The following SIK3 variants were observed in gnomAD, a reference collection of about 807,000 sequenced individuals.
SIK3 encodes the protein serine/threonine-protein kinase SIK3.
Under a neutral mutation model 144.2 loss-of-function variants are expected in SIK3, and 28 were observed. That is an observed-to-expected ratio of 0.19 (90% CI 0.14 to 0.27). The LOEUF (loss-of-function observed/expected upper bound fraction) is 0.27. Ranked by LOEUF, SIK3 falls within the 10% of genes least tolerant of loss-of-function variation. The pLI is 1.00. For missense variants in SIK3, 1,319 were observed against 1,776.0 expected (o/e 0.74, Z 4.62); for synonymous variants, 686 against 676.3 (o/e 1.01, Z -0.22).
intron 4 of SIK3, among the ~76,000 whole-genome samples, chr11:116,918,396 C>T (rs1008191846): frequency 4.0e-5 from 6 of 151,852 alleles, no homozygotes; most frequent in South Asian, 2.1e-4. Context: ...TCCACCCCCA[C>T]CCCCACAAGA....
chr11:116,884,216 A>G (rs1410745719), intron 6 of SIK3, among the ~76,000 whole-genome samples: 1 of 152,060 alleles, frequency 6.6e-6, no homozygotes, highest in Non-Finnish European at 1.5e-5. Flanking sequence ...TTTATTTTGA[A>G]ATGGAGTCTC....
chr11:116,940,802 GGATA>G (rs1002985729), intron 3 of SIK3, among the ~76,000 whole-genome samples: 19 of 144,874 alleles, frequency 1.3e-4, no homozygotes, highest in Admixed American at 4.8e-4. Context: ...AAAAAAAAAA[GGATA>G]AATAAATAAA....
Position 116,849,317 on chromosome 11 carries a change from C to A in SIK3, c.3656-34G>T. On this transcript the variant is annotated intron_variant, in intron 21 of 24. Transcript: ENST00000445177. This position sits in a 1 kb window ranked among gnomAD's most constrained non-coding sequence, Gnocchi z 4.2. Reference sequence around the variant, plus strand: ...ACACAGCAGAATAGAGTCAGTGGGGCGGAACTTCTCCCAGCACTGGAAACT... The same window carrying A: ...ACACAGCAGAATAGAGTCAGTGGGGAGGAACTTCTCCCAGCACTGGAAACT... 6.2e-7 allele frequency: 1 copy of A among 1,612,204 alleles called. No individual in the cohort carries two copies. Among genetic ancestry groups the A allele is most frequent in the Non-Finnish European group, 8.5e-7 (1 of 1,178,920 alleles).
intron 1 of SIK3, among the ~76,000 whole-genome samples, chr11:116,998,202 G>C (rs760705786): frequency 4.0e-5 from 6 of 150,460 alleles, no homozygotes; most frequent in Admixed American, 1.3e-4. Context: ...TGCAAGGAAA[G>C]AAAAGTAAGT....
chr11:116,880,907 T>C (rs1438286805), intron 6 of SIK3, among the ~76,000 whole-genome samples: 1 of 152,118 alleles, frequency 6.6e-6, no homozygotes, highest in Admixed American at 6.5e-5. Context: ...GCAGATTGCT[T>C]GAGGCTAGGA....
At chr11:116,935,721 T>G (rs565174730) in intron 3 of SIK3, among the ~76,000 whole-genome samples, 101 of 152,314 alleles carry the variant, frequency 6.6e-4, no homozygotes, top group African/African-American at 2.4e-3. Flanking sequence ...ACCTGCATGC[T>G]CCAAGTCAAC....
intron 1 of SIK3, among the ~76,000 whole-genome samples, chr11:117,078,744 C>G (rs2136040213): frequency 6.6e-6 from 1 of 152,224 alleles, no homozygotes; most frequent in East Asian, 1.9e-4. Flanking sequence ...TTAAAATTGT[C>G]ATATTTTTAA....
chr11:116,887,131 G>T (rs1442822028), intron 6 of SIK3, among the ~76,000 whole-genome samples: 1 of 151,846 alleles, frequency 6.6e-6, no homozygotes, highest in Non-Finnish European at 1.5e-5. Flanking sequence ...ATGGCTGGGC[G>T]TGATGGCTCA....
chr11:117,017,322 A>G (rs1951581393), intron 1 of SIK3, among the ~76,000 whole-genome samples: 1 of 152,240 alleles, frequency 6.6e-6, no homozygotes, highest in Admixed American at 6.5e-5. Context: ...TTGATTGGAC[A>G]CAGCACACAA....
intron 1 of SIK3, among the ~76,000 whole-genome samples, chr11:117,088,196 CA>C (rs1955099005): frequency 6.6e-6 from 1 of 152,176 alleles, no homozygotes; most frequent in African/African-American, 2.4e-5. Context: ...ATGATCACAT[CA>C]CTGCACTCCA....
intron 14 of SIK3, chr11:116,869,998 C>A: frequency 1.3e-6 from 1 of 789,976 alleles, no homozygotes; most frequent in Non-Finnish European, 1.8e-6. Flanking sequence ...GTAAACAGTT[C>A]TTGGCAGGTA....
chr11:116,961,851 A>C (rs971699391), intron 1 of SIK3, among the ~76,000 whole-genome samples: 3 of 152,210 alleles, frequency 2.0e-5, no homozygotes, highest in African/African-American at 7.2e-5. Context: ...ATTCCCATTC[A>C]ACAAATTCTT....
In SIK3 at chr11:116,977,267, G is replaced by T. The variant is rs77337677; in HGVS notation, c.274-20203C>A. Among the ~76,000 whole-genome samples, 736 of 116,158 alleles carry T rather than the reference G, an allele frequency of 6.3e-3. 7 individuals carry two copies. Among genetic ancestry groups the T allele is most frequent in the African/African-American group, 0.023 (688 of 30,404 alleles). 76.2% of individuals were successfully genotyped at this position (116,158 alleles called of 152,430 possible). A position where few individuals can be genotyped will look rare whatever the true frequency, so the allele number is the denominator to read the frequency against. On this transcript the variant is annotated intron_variant, in intron 1 of 24. Transcript: ENST00000445177. ...CCCTCCCTTCCTTCCTTTTCATACA[G>T]ACAGAGTCTCGTTATGTTGCCTGGA...
intron 1 of SIK3, among the ~76,000 whole-genome samples, chr11:117,064,902 C>A (rs781640194): frequency 6.6e-6 from 1 of 152,144 alleles, no homozygotes; most frequent in Non-Finnish European, 1.5e-5. Context: ...GTAATCCCAG[C>A]ACTTTGGGAA....
At chr11:116,973,599 A>G (rs1949840441) in intron 1 of SIK3, among the ~76,000 whole-genome samples, 1 of 152,184 alleles carries the variant, frequency 6.6e-6, no homozygotes, top group Admixed American at 6.5e-5. Flanking sequence ...GTACATTATG[A>G]AAGGGGGGGA....
At chr11:116,980,662 G>C (rs1361696225) in intron 1 of SIK3, among the ~76,000 whole-genome samples, 1 of 152,138 alleles carries the variant, frequency 6.6e-6, no homozygotes, top group Non-Finnish European at 1.5e-5. Context: ...AGACCAGCCT[G>C]GGCAACATGG....
chr11:117,044,939 T>C (rs1489067708), intron 1 of SIK3, among the ~76,000 whole-genome samples: 1 of 152,158 alleles, frequency 6.6e-6, no homozygotes, highest in Non-Finnish European at 1.5e-5. Flanking sequence ...TAATAAATAA[T>C]TGGTAATAAC....
At chr11:117,005,703 A>G (rs1951021327) in intron 1 of SIK3, among the ~76,000 whole-genome samples, 1 of 152,194 alleles carries the variant, frequency 6.6e-6, no homozygotes, top group African/African-American at 2.4e-5. Flanking sequence ...TACTTCTATT[A>G]CTATCTTTTG....
In SIK3 at chr11:116,876,313, C is replaced by G. The variant is rs573107225; in HGVS notation, c.1035G>C (p.Leu345=). 3 of 1,614,256 alleles carry G rather than the reference C, an allele frequency of 1.9e-6. No homozygotes were observed. The South Asian group carries it at 3.3e-5, about 18-fold the overall frequency. Reference sequence around the variant, plus strand: ...CCATGGCCAAGAGGACATCCTCATTCAGGGGGTCCACCTGTCTTTCTTCCT... The same window carrying G: ...CCATGGCCAAGAGGACATCCTCATTGAGGGGGTCCACCTGTCTTTCTTCCT... The part of the protein sequence containing the change: ...QLKEERQVDP[L]NEDVLLAMED... Residue 345 remains leucine, a synonymous_variant, in exon 8 of 25, where the codon CTG becomes CTC. Coordinates refer to ENST00000445177, the MANE Select transcript of SIK3 (RefSeq NM_001366686.3).
Sources: allele counts gnomAD v4.1 joint callset (sites outside exome capture counted in the v4.1 genomes callset), GRCh38; gene constraint gnomAD v4.1.1; non-coding constraint Gnocchi (gnomAD v3.1); transcripts MANE v1.5; gene names NCBI Gene and HGNC (gene_info 2026-07-23, HGNC 2026-07-21).